MVB12B: variants seen among roughly 807,000 people sequenced by gnomAD.
MVB12B encodes multivesicular body subunit 12B.
A neutral mutation model predicts 41.6 loss-of-function variants in MVB12B; 16 were observed. That is an observed-to-expected ratio of 0.38 (90% confidence interval 0.26 to 0.58). MVB12B has a LOEUF of 0.58. MVB12B is among the 20% of genes least tolerant of loss of function. The pLI is 0.62. For missense variants in MVB12B, 274 were observed against 380.2 expected (o/e 0.72, Z 2.32); for synonymous variants, 133 against 139.7 (o/e 0.95, Z 0.34).
chr9:126,503,216 A>C lies in MVB12B; in HGVS notation c.913A>C (p.Arg305=), dbSNP rs1833998135. 1.3e-6 allele frequency: 2 copies of C among 1,550,602 alleles called. No homozygotes were observed. Among genetic ancestry groups the C allele is most frequent in the Non-Finnish European group, 8.7e-7 (1 of 1,147,060 alleles). The change falls in exon 10 of 10, where the codon AGG becomes CGG. Residue 305 remains arginine (R), a synonymous_variant. Transcript: ENST00000361171. ...SFRTEQSAAA[R]LPPSPTRCQQ... is the part of the protein sequence containing the mutation. The stretch of plus-strand genomic sequence containing the variant: ...CCGCACAGAGCAGAGCGCAGCCGCC[A>C]GGCTCCCGCCCAGCCCCACCAGGTG...
At position 126,340,682 on chromosome 9, in the gene MVB12B, T is replaced by C; in HGVS notation, c.204+52T>C. On this transcript the variant is annotated intron_variant, in intron 2 of 9. Transcript: ENST00000361171. This position sits in a 1 kb window ranked among gnomAD's most constrained non-coding sequence, Gnocchi z 4.0. ...TTTGCTCACTGATTCTACAAGTATT[T>C]ATCTCCTGTGTCCAAGACCTTCTGG... The C allele has an allele frequency of 6.3e-7, 1 of 1,598,184 alleles. No individual in the cohort carries two copies. The highest frequency in any genetic ancestry group is 1.1e-5 in the South Asian group (1 of 90,306).
intron 7 of MVB12B, among the ~76,000 whole-genome samples, chr9:126,425,174 G>A (rs1412404948): frequency 6.6e-6 from 1 of 152,194 alleles, no homozygotes; most frequent in Non-Finnish European, 1.5e-5. Flanking sequence ...TCGGGAGACT[G>A]AGGAGGGAAG....
At chr9:126,424,294 G>A (rs1832108016) in intron 7 of MVB12B, among the ~76,000 whole-genome samples, 1 of 152,186 alleles carries the variant, frequency 6.6e-6, no homozygotes. Flanking sequence ...CACTAAGACA[G>A]TTGGCTCCCA....
chr9:126,470,932 CACTAAT>C (rs1271413006), intron 7 of MVB12B, among the ~76,000 whole-genome samples: 2 of 152,082 alleles, frequency 1.3e-5, no homozygotes, highest in African/African-American at 4.8e-5. Context: ...ATAACACTAA[CACTAAT>C]ACGAATGGCT....
At chr9:126,441,911 A>G (rs779229267) in intron 7 of MVB12B, among the ~76,000 whole-genome samples, 22 of 152,238 alleles carry the variant, frequency 1.4e-4, no homozygotes, top group Non-Finnish European at 8.8e-5. Flanking sequence ...ATTATGCAGA[A>G]TAACTAAATT....
intron 7 of MVB12B, among the ~76,000 whole-genome samples, chr9:126,476,144 C>T (rs1043533772): frequency 6.6e-6 from 1 of 152,232 alleles, no homozygotes; most frequent in African/African-American, 2.4e-5. Context: ...TTCAGGAATG[C>T]GTCTTCCTTC....
Position 126,392,158 on chromosome 9 carries a change from C to T in MVB12B, c.502C>T (p.Arg168Trp), listed in dbSNP as rs755037370. Residue 168 changes from arginine (R) to tryptophan (W), a missense_variant, in exon 5 of 10, where the codon CGG (arginine) becomes TGG (tryptophan). Physicochemically the swap from Arg to Trp is moderately radical, Grantham distance 101. Transcript: ENST00000361171. This position sits in a 1 kb window ranked among gnomAD's most constrained non-coding sequence, Gnocchi z 4.8. Reference sequence around the variant, plus strand: ...GATTTGTGACATTCGGATCATGGGCCGGACCAAGCAGGCCCCGCCTCAGTA... The same window carrying T: ...GATTTGTGACATTCGGATCATGGGCTGGACCAAGCAGGCCCCGCCTCAGTA... ...AAICDIRIMG[R>W]TKQAPPQYTF... 2 of 1,614,138 alleles carry T rather than the reference C, an allele frequency of 1.2e-6. No individual in the cohort carries two copies. The highest frequency in any genetic ancestry group is 1.7e-6 in the Non-Finnish European group (2 of 1,180,012).
At chr9:126,343,343 C>T (rs974295487) in intron 2 of MVB12B, among the ~76,000 whole-genome samples, 14 of 152,102 alleles carry the variant, frequency 9.2e-5, no homozygotes, top group South Asian at 2.1e-4. Context: ...GCCACGTGCC[C>T]GGAGTAGTGA....
At position 126,444,302 on chromosome 9, in the gene MVB12B, A is replaced by G. The variant is rs147766597; in HGVS notation, c.757+22354A>G. ...ACAAATTGTCCCCCGTAATGGTTGA[A>G]TTTGTTTACACTTCTGCATGTATGA... is the stretch of plus-strand genomic sequence containing the variant. On this transcript the variant is annotated intron_variant, in intron 7 of 9. Transcript: ENST00000361171. Among the ~76,000 whole-genome samples, 40 of 152,214 alleles carry G rather than the reference A, an allele frequency of 2.6e-4. 1 individual carries two copies. The East Asian group carries it at 5.4e-3, about 21-fold the overall frequency.
intron 9 of MVB12B, among the ~76,000 whole-genome samples, chr9:126,502,408 C>G (rs1390094035): frequency 6.6e-6 from 1 of 152,174 alleles, no homozygotes; most frequent in Non-Finnish European, 1.5e-5. Context: ...AACCCCTTCT[C>G]TAAATTTCCA....
chr9:126,487,045 G>A (rs1030010109), intron 9 of MVB12B, among the ~76,000 whole-genome samples: 14 of 152,172 alleles, frequency 9.2e-5, no homozygotes, highest in African/African-American at 2.7e-4. Context: ...TCTCAATGTC[G>A]GGCGCTCCGA....
chr9:126,344,606 G>A (rs978753136), intron 2 of MVB12B, among the ~76,000 whole-genome samples: 8 of 152,242 alleles, frequency 5.3e-5, no homozygotes, highest in African/African-American at 1.9e-4. Context: ...TTTCTGGCCT[G>A]TGTAGGGGTT....
rs1381836531 is a variant in MVB12B at position 126,333,496 on chromosome 9, C to G, written c.81+6486C>G. Among the ~76,000 whole-genome samples the G allele has an allele frequency of 1.3e-5, 2 of 152,188 alleles. No individual in the cohort carries two copies. Among genetic ancestry groups the G allele is most frequent in the Non-Finnish European group, 2.9e-5 (2 of 68,032 alleles). On this transcript the variant is annotated intron_variant, in intron 1 of 9. Coordinates refer to ENST00000361171, the MANE Select transcript of MVB12B (RefSeq NM_033446.3). This position sits in a 1 kb window ranked among gnomAD's most constrained non-coding sequence, Gnocchi z 4.7. ...CTCAGCTCACTGCAACCTCCACCTC[C>G]TGGGTTTAAGCGATTCTTGTGCCTC...
At chr9:126,329,159 T>G (rs1425977185) in intron 1 of MVB12B, among the ~76,000 whole-genome samples, 1 of 152,156 alleles carries the variant, frequency 6.6e-6, no homozygotes, top group Non-Finnish European at 1.5e-5. Flanking sequence ...TTTAGGAGCT[T>G]GAGTTTGACT....
At chr9:126,373,331 C>T (rs1339171006) in intron 2 of MVB12B, among the ~76,000 whole-genome samples, 1 of 152,238 alleles carries the variant, frequency 6.6e-6, no homozygotes, top group Non-Finnish European at 1.5e-5. Flanking sequence ...GGCTCCTTGC[C>T]TCTGCTGTGC....
chr9:126,339,069 A>G (rs971632620), intron 1 of MVB12B, among the ~76,000 whole-genome samples: 8 of 152,224 alleles, frequency 5.3e-5, no homozygotes, highest in Non-Finnish European at 1.0e-4. Context: ...TGTAAACAGA[A>G]GAGGAGACTG....
chr9:126,429,092 T>C (rs745918046), intron 7 of MVB12B, among the ~76,000 whole-genome samples: 2 of 152,122 alleles, frequency 1.3e-5, no homozygotes, highest in Non-Finnish European at 2.9e-5. Flanking sequence ...AATTCCTGAA[T>C]GAAGTGAAAA....
chr9:126,496,793 C>T (rs947518280), intron 9 of MVB12B, among the ~76,000 whole-genome samples: 9 of 152,102 alleles, frequency 5.9e-5, no homozygotes, highest in African/African-American at 9.7e-5. Flanking sequence ...GAATCACTTG[C>T]CCTGCTCCTG....
At chr9:126,401,969 G>T (rs1469383308) in intron 6 of MVB12B, among the ~76,000 whole-genome samples, 1 of 152,204 alleles carries the variant, frequency 6.6e-6, no homozygotes, top group African/African-American at 2.4e-5. Flanking sequence ...TCCTGTTGTT[G>T]CAGGACTTGA....
Sources: gnomAD v4.1 joint callset for allele counts (sites outside exome capture counted in the v4.1 genomes callset) on GRCh38, gnomAD v4.1.1 for gene constraint, Gnocchi (gnomAD v3.1) non-coding constraint, MANE v1.5 for transcripts, NCBI Gene and HGNC (gene_info 2026-07-23, HGNC 2026-07-21) for gene names.